TASP1: variants seen among roughly 807,000 people sequenced by gnomAD.
TASP1 encodes taspase 1.
A neutral mutation model predicts 56.6 loss-of-function variants in TASP1; 16 were observed. The ratio of observed to expected loss-of-function variants is 0.28; its 90% confidence interval spans 0.19 to 0.43. TASP1 has a LOEUF of 0.43. Among genes scored for constraint, TASP1 ranks in the 20% least tolerant of loss-of-function variants. The probability of loss-of-function intolerance (pLI) is 1.00; values close to 1 mark genes in which losing one functional copy is unlikely to be tolerated. For synonymous variants in TASP1, 179 were observed against 184.2 expected, an observed-to-expected ratio of 0.97 and a Z score of 0.23; for missense variants, 393 against 511.6, an observed-to-expected ratio of 0.77 and a Z score of 2.24.
the TASP1 span, chr20:13,117,369 A>C: frequency 1.3e-6 from 1 of 786,804 alleles, no homozygotes. Context: ...GGGTTGTCTC[A>C]GCCAAATAAA....
At chr20:13,338,987 G>A in the TASP1 span, among the ~76,000 whole-genome samples, 1 of 151,966 alleles carries the variant, frequency 6.6e-6, no homozygotes, top group South Asian at 2.1e-4. Flanking sequence ...CACTTTCTAA[G>A]CACAAAACAA....
the TASP1 span, chr20:13,221,706 CT>C: frequency 7.8e-7 from 1 of 1,280,854 alleles, no homozygotes; most frequent in Non-Finnish European, 9.9e-7. Flanking sequence ...GCTCCTACTC[CT>C]CCTCCCCCGG....
At chr20:13,226,707 T>A in the TASP1 span, among the ~76,000 whole-genome samples, 1 of 152,182 alleles carries the variant, frequency 6.6e-6, no homozygotes, top group African/African-American at 2.4e-5. Flanking sequence ...TAATCTCTCA[T>A]CCTTAAGGAG....
At chr20:13,406,989 G>C (rs2041951872) in intron 13 of TASP1, among the ~76,000 whole-genome samples, 1 of 152,110 alleles carries the variant, frequency 6.6e-6, no homozygotes, top group African/African-American at 2.4e-5. Flanking sequence ...TATCATTCAT[G>C]CAAGTTGAGA....
At chr20:13,613,401 C>G (rs1335489029) in intron 4 of TASP1, among the ~76,000 whole-genome samples, 1 of 151,916 alleles carries the variant, frequency 6.6e-6, no homozygotes, top group East Asian at 1.9e-4. Flanking sequence ...CGTGTTGTGC[C>G]GAAAACACAG....
intron 13 of TASP1, among the ~76,000 whole-genome samples, chr20:13,412,286 C>T (rs977001518): frequency 1.3e-5 from 2 of 152,190 alleles, no homozygotes; most frequent in African/African-American, 4.8e-5. Context: ...TTATATACCT[C>T]TGTGTTGAGT....
At chr20:13,343,002 G>A in the TASP1 span, among the ~76,000 whole-genome samples, 1 of 152,190 alleles carries the variant, frequency 6.6e-6, no homozygotes, top group East Asian at 1.9e-4. Flanking sequence ...TTTGCTGACT[G>A]AGCCTCTGGG....
In TASP1 at chr20:13,511,015, T is replaced by A. The variant is rs868328605; in HGVS notation, c.874+17418A>T. On this transcript the variant is annotated intron_variant, in intron 10 of 13. Coordinates refer to ENST00000337743, the MANE Select transcript of TASP1 (RefSeq NM_017714.3). ...TTCCACCCACCCACAGTCATGTACA[T>A]AACCCATACGCATGTCCTGTACTCA... 2.0e-5 allele frequency among the ~76,000 whole-genome samples: 3 copies of A among 152,108 alleles called. No homozygotes were observed. The South Asian group carries it at 6.2e-4, about 32-fold the overall frequency.
intron 8 of TASP1, among the ~76,000 whole-genome samples, chr20:13,537,637 T>G (rs1743103437): frequency 6.6e-6 from 1 of 152,324 alleles, no homozygotes; most frequent in African/African-American, 2.4e-5. Flanking sequence ...ATATACCTAT[T>G]GTCCTTGACT....
chr20:13,129,740 T>C, the TASP1 span, among the ~76,000 whole-genome samples: 1 of 152,234 alleles, frequency 6.6e-6, no homozygotes, highest in Non-Finnish European at 1.5e-5. Context: ...CTGATCACAG[T>C]GGAAGATCTG....
chr20:13,496,520 A>C (rs2043737081), intron 10 of TASP1, among the ~76,000 whole-genome samples: 1 of 151,950 alleles, frequency 6.6e-6, no homozygotes, highest in Non-Finnish European at 1.5e-5. Context: ...ATCATTGGAG[A>C]AATGGCTGGT....
the TASP1 span, among the ~76,000 whole-genome samples, chr20:13,214,144 T>TA: frequency 0.027 from 4,084 of 152,286 alleles, 176 homozygotes; most frequent in African/African-American, 0.092. Context: ...GTGTTGATGT[T>TA]AAACGTCCTG....
chr20:13,255,770 C>T, the TASP1 span, among the ~76,000 whole-genome samples: 24 of 152,266 alleles, frequency 1.6e-4, no homozygotes, highest in Admixed American at 3.9e-4. Context: ...TTGCACCATG[C>T]ACAAATTGTA....
intron 10 of TASP1, among the ~76,000 whole-genome samples, chr20:13,495,507 T>A (rs2043688359): frequency 6.6e-6 from 1 of 152,150 alleles, no homozygotes; most frequent in Admixed American, 6.5e-5. Context: ...ATTCTCTACA[T>A]CTGGGTAGAA....
the TASP1 span, chr20:13,292,286 T>A: frequency 1.3e-6 from 1 of 798,494 alleles, no homozygotes; most frequent in South Asian, 1.6e-5. Flanking sequence ...AAGGCTTTGT[T>A]CAGGTGTATT....
intron 11 of TASP1, among the ~76,000 whole-genome samples, chr20:13,450,468 T>C (rs1274316352): frequency 6.6e-6 from 1 of 152,174 alleles, no homozygotes; most frequent in East Asian, 1.9e-4. Flanking sequence ...GAAGTTGCTT[T>C]ATCAAATAAG....
the TASP1 span, among the ~76,000 whole-genome samples, chr20:13,282,690 G>A: frequency 6.6e-6 from 1 of 152,104 alleles, no homozygotes; most frequent in African/African-American, 2.4e-5. Flanking sequence ...ACTGGACATC[G>A]GGATTGCTAC....
the TASP1 span, among the ~76,000 whole-genome samples, chr20:13,273,973 T>C: frequency 6.6e-6 from 1 of 152,094 alleles, no homozygotes; most frequent in Admixed American, 6.5e-5. Context: ...CCACAAAATG[T>C]TAGTATTGGT....
the TASP1 span, among the ~76,000 whole-genome samples, chr20:13,183,373 T>C: frequency 6.6e-6 from 1 of 152,360 alleles, no homozygotes; most frequent in Admixed American, 6.5e-5. Context: ...AAGGATTAAA[T>C]GCTTGTTGCT....
Sources: allele counts gnomAD v4.1 joint callset (sites outside exome capture counted in the v4.1 genomes callset), GRCh38; gene constraint gnomAD v4.1.1; transcripts MANE v1.5; gene names NCBI Gene and HGNC (gene_info 2026-07-23, HGNC 2026-07-21).